Variants in DOCK2 observed in about 807,000 individuals in gnomAD.
The protein encoded by DOCK2 is dedicator of cytokinesis 2.
Under a neutral mutation model 248.9 loss-of-function variants are expected in DOCK2, and 87 were observed. The observed-to-expected ratio is 0.35, with a 90% CI of 0.29 to 0.42. The LOEUF is 0.42. Among genes scored for constraint, DOCK2 ranks in the 10% least tolerant of loss-of-function variants. DOCK2 has a pLI of 1.00. For missense variants in DOCK2, 1,747 were observed against 2,300.2 expected, an observed-to-expected ratio of 0.76 and a Z score of 4.92; for synonymous variants, 805 against 821.6, an observed-to-expected ratio of 0.98 and a Z score of 0.35.
At chr5:169,879,931 G>C (rs753212670) in intron 27 of DOCK2, among the ~76,000 whole-genome samples, 1 of 152,188 alleles carries the variant, frequency 6.6e-6, no homozygotes, top group African/African-American at 2.4e-5. Flanking sequence ...GAAAAGAAGA[G>C]AGACTATCCA....
Position 169,702,521 on chromosome 5 carries a change from A to C in DOCK2, c.1383+94A>C. ...TTTCCTCTCCCTGATTCTGTTGTCT[A>C]AATGCCAGGTGCCTTTGGGATGGTG... On this transcript the variant is annotated intron_variant, in intron 14 of 51. Transcript: ENST00000520908. 4 of 1,559,116 alleles carry C rather than the reference A, an allele frequency of 2.6e-6. No individual in the cohort carries two copies. The South Asian group carries it at 4.8e-5, about 19-fold the overall frequency.
At chr5:170,018,671 C>T (rs774750075) in intron 32 of DOCK2, among the ~76,000 whole-genome samples, 2 of 152,212 alleles carry the variant, frequency 1.3e-5, no homozygotes, top group African/African-American at 2.4e-5. Context: ...ATTTGCAGAG[C>T]AGACACTGCA....
At chr5:169,968,378 T>G (rs1443628775) in intron 27 of DOCK2, among the ~76,000 whole-genome samples, 5 of 152,188 alleles carry the variant, frequency 3.3e-5, no homozygotes, top group African/African-American at 1.2e-4. Context: ...TACTGAGTGC[T>G]TTCTATGTGT....
At chr5:169,860,276 G>T (rs932006262) in intron 27 of DOCK2, among the ~76,000 whole-genome samples, 1 of 151,910 alleles carries the variant, frequency 6.6e-6, no homozygotes, top group Non-Finnish European at 1.5e-5. Context: ...TTCTTCCCTT[G>T]CCCCGAGAAA....
rs1451344912 is a variant in DOCK2 at position 170,034,456 on chromosome 5, G to C, written c.3525G>C (p.Val1175=). Reference sequence around the variant, plus strand: ...TTGCCAAGTCGGTGGAGAACTTCGTGAACCTGGTCAAAGGCCTCCTGGAGA... The same window carrying C: ...TTGCCAAGTCGGTGGAGAACTTCGTCAACCTGGTCAAAGGCCTCCTGGAGA... ...PTIAKSVENF[V]NLVKGLLEKL... is the part of the protein sequence containing the mutation. The change falls in exon 35 of 52, where the codon GTG becomes GTC. Residue 1175 remains valine (V), a synonymous_variant. Coordinates refer to ENST00000520908, the MANE Select transcript of DOCK2 (RefSeq NM_004946.3). The C allele has an allele frequency of 6.2e-7, 1 of 1,614,056 alleles. No individual in the cohort carries two copies. Among genetic ancestry groups the C allele is most frequent in the Admixed American group, 1.7e-5 (1 of 60,014 alleles).
At chr5:169,831,991 A>G (rs1769257911) in intron 26 of DOCK2, among the ~76,000 whole-genome samples, 1 of 152,224 alleles carries the variant, frequency 6.6e-6, no homozygotes, top group Non-Finnish European at 1.5e-5. Flanking sequence ...GAGGGCCTAA[A>G]GCACCATTCC....
intron 27 of DOCK2, among the ~76,000 whole-genome samples, chr5:169,907,022 C>G (rs1263101411): frequency 6.6e-6 from 1 of 152,118 alleles, no homozygotes; most frequent in Non-Finnish European, 1.5e-5. Context: ...GAGCAGGGTC[C>G]CTGCTCTCAC....
chr5:169,755,123 T>A (rs1221647410), intron 23 of DOCK2, among the ~76,000 whole-genome samples: 1 of 151,612 alleles, frequency 6.6e-6, no homozygotes, highest in Non-Finnish European at 1.5e-5. Flanking sequence ...CATATATATA[T>A]TTTGTAGAGA....
intron 22 of DOCK2, among the ~76,000 whole-genome samples, chr5:169,727,067 CAAAA>C (rs796894886): frequency 1.1e-5 from 1 of 89,324 alleles, no homozygotes. Context: ...GACCCTGTCT[CAAAA>C]AAAAAAAAAA....
chr5:169,801,066 T>G (rs261593), intron 25 of DOCK2, among the ~76,000 whole-genome samples: 124,597 of 145,882 alleles, frequency 0.85, 53,253 homozygotes, highest in East Asian at 0.98. Flanking sequence ...AGCTTCTGCC[T>G]GGCTTAAGCT....
chr5:169,678,014 T>A (rs1759432988), intron 6 of DOCK2, among the ~76,000 whole-genome samples: 1 of 152,204 alleles, frequency 6.6e-6, no homozygotes, highest in African/African-American at 2.4e-5. Flanking sequence ...AGGCTGTAGA[T>A]GATCCATCTT....
chr5:169,689,397 A>ACCCT, intron 9 of DOCK2, 64 bp downstream of exon 9: 1 of 1,563,554 alleles, frequency 6.4e-7, no homozygotes, highest in Non-Finnish European at 8.8e-7. Context: ...CTTGGAAATG[A>ACCCT]GGCTGGTCAG....
At position 169,937,138 on chromosome 5, in the gene DOCK2, G is replaced by A. The variant is rs377207538; in HGVS notation, c.2800-45930G>A. On this transcript the variant is annotated intron_variant, in intron 27 of 51. Coordinates refer to ENST00000520908, the MANE Select transcript of DOCK2 (RefSeq NM_004946.3). ...GTTTTTGTAAATAAAGTTTTACTGCGGCACAGATATGCTTATTTCTTTGTA... is the reference window on the plus strand; with the variant it reads ...GTTTTTGTAAATAAAGTTTTACTGCAGCACAGATATGCTTATTTCTTTGTA... Among the ~76,000 whole-genome samples the A allele has an allele frequency of 3.0e-4, 46 of 152,274 alleles. 1 individual carries two copies. In the South Asian group the frequency reaches 3.1e-3, roughly 10 times the overall value.
intron 29 of DOCK2, among the ~76,000 whole-genome samples, chr5:169,991,380 C>T (rs1778201433): frequency 6.6e-6 from 1 of 152,252 alleles, no homozygotes; most frequent in African/African-American, 2.4e-5. Context: ...CCAGCTTCTT[C>T]CTACTCACAA....
chr5:169,686,122 T>A (rs1330376001), intron 8 of DOCK2, among the ~76,000 whole-genome samples: 1 of 151,826 alleles, frequency 6.6e-6, no homozygotes, highest in Non-Finnish European at 1.5e-5. Flanking sequence ...GGTTTGGGAG[T>A]CAGAGGCAGG....
At chr5:169,743,934 T>C (rs182110638) in intron 22 of DOCK2, among the ~76,000 whole-genome samples, 4 of 149,178 alleles carry the variant, frequency 2.7e-5, no homozygotes, top group East Asian at 3.9e-4. Flanking sequence ...TATATTATTA[T>C]ATATATATAT....
At chr5:169,921,064 T>C (rs1374202198) in intron 27 of DOCK2, among the ~76,000 whole-genome samples, 2 of 152,226 alleles carry the variant, frequency 1.3e-5, no homozygotes, top group East Asian at 3.8e-4. Context: ...CTTCTGGAAA[T>C]TCTTTTAAAG....
intron 22 of DOCK2, among the ~76,000 whole-genome samples, chr5:169,726,649 A>G (rs577073143): frequency 8.5e-5 from 13 of 152,288 alleles, no homozygotes; most frequent in Non-Finnish European, 2.9e-5. Context: ...TTGGGCACCT[A>G]TTATGTGCTA....
intron 27 of DOCK2, among the ~76,000 whole-genome samples, chr5:169,974,660 G>T (rs140063241): frequency 6.6e-6 from 1 of 152,074 alleles, no homozygotes; most frequent in African/African-American, 2.4e-5. Flanking sequence ...CCCTAGCAAT[G>T]CTCCTGGTTT....
Sources: allele counts gnomAD v4.1 joint callset (sites outside exome capture counted in the v4.1 genomes callset), GRCh38; gene constraint gnomAD v4.1.1; transcripts MANE v1.5; gene names NCBI Gene and HGNC (gene_info 2026-07-23, HGNC 2026-07-21).